MGAT5: variants seen among roughly 807,000 people sequenced by gnomAD.
MGAT5 encodes the protein alpha-1,6-mannosylglycoprotein 6-beta-N-acetylglucosaminyltransferase A.
MGAT5 carries 30 observed loss-of-function variants against 94.3 expected under a neutral mutation model. The ratio of observed to expected loss-of-function variants is 0.32; its 90% confidence interval spans 0.24 to 0.43. The LOEUF (loss-of-function observed/expected upper bound fraction) is 0.43, where lower values mean the gene tolerates loss of function less well. MGAT5 is among the 20% of genes least tolerant of loss of function. The pLI is 1.00. For missense variants in MGAT5, 691 were observed against 905.5 expected, an observed-to-expected ratio of 0.76 and a Z score of 3.04; for synonymous variants, 310 against 322.9, an observed-to-expected ratio of 0.96 and a Z score of 0.43.
chr2:134,128,256 AAAAG>A (rs966718521), intron 1 of MGAT5, among the ~76,000 whole-genome samples: 1 of 151,902 alleles, frequency 6.6e-6, no homozygotes, highest in Admixed American at 6.6e-5. Context: ...AAAGAAAAGA[AAAAG>A]AAAAGAAAGA....
chr2:134,355,138 T>C (rs1350838588), intron 9 of MGAT5, among the ~76,000 whole-genome samples: 2 of 152,210 alleles, frequency 1.3e-5, no homozygotes, highest in Non-Finnish European at 2.9e-5. Flanking sequence ...TTTAAAACTC[T>C]ATGTAAGTGA....
intron 1 of MGAT5, among the ~76,000 whole-genome samples, chr2:134,204,006 A>G (rs1271597825): frequency 6.6e-6 from 1 of 152,262 alleles, no homozygotes; most frequent in African/African-American, 2.4e-5. Context: ...ATACATGGGC[A>G]AAGAGAAAGC....
At chr2:134,406,623 C>CTGTA (rs1261948740) in intron 11 of MGAT5, among the ~76,000 whole-genome samples, 1 of 151,990 alleles carries the variant, frequency 6.6e-6, no homozygotes, top group Non-Finnish European at 1.5e-5. Context: ...TAGCTCACAT[C>CTGTA]TGTAATCTTA....
At chr2:134,152,728 C>T (rs990592485) in intron 1 of MGAT5, among the ~76,000 whole-genome samples, 2 of 152,128 alleles carry the variant, frequency 1.3e-5, no homozygotes, top group African/African-American at 4.8e-5. Flanking sequence ...CTGAGTTTAT[C>T]TTCTTAGTTT....
chr2:134,202,239 A>G (rs865838896), intron 1 of MGAT5, among the ~76,000 whole-genome samples: 21 of 152,314 alleles, frequency 1.4e-4, no homozygotes, highest in Non-Finnish European at 2.2e-4. Flanking sequence ...TTGAAATCTA[A>G]TCCCCAACCT....
At chr2:134,185,815 G>C (rs1425680511) in intron 1 of MGAT5, among the ~76,000 whole-genome samples, 1 of 152,226 alleles carries the variant, frequency 6.6e-6, no homozygotes, top group African/African-American at 2.4e-5. Flanking sequence ...TTGTAGGGAA[G>C]AGGAGAGATG....
chr2:134,431,361 A>T (rs1025066001), intron 14 of MGAT5, among the ~76,000 whole-genome samples: 1 of 152,162 alleles, frequency 6.6e-6, no homozygotes, highest in Non-Finnish European at 1.5e-5. Flanking sequence ...ATGTTCCTAA[A>T]TGAGCAATAA....
chr2:134,390,375 A>G (rs902404919), intron 10 of MGAT5, among the ~76,000 whole-genome samples: 1 of 152,068 alleles, frequency 6.6e-6, no homozygotes, highest in African/African-American at 2.4e-5. Flanking sequence ...TTTTTATTAT[A>G]CTTTTTCTAG....
chr2:134,144,037 G>A (rs544143789), intron 1 of MGAT5, among the ~76,000 whole-genome samples: 1 of 152,222 alleles, frequency 6.6e-6, no homozygotes, highest in South Asian at 2.1e-4. Context: ...GGAAGAGCAG[G>A]CCATCAGCCT....
At position 134,433,833 on chromosome 2, in the gene MGAT5, C is replaced by CTT. The variant is rs11307289; in HGVS notation, c.1869+5409_1869+5410dup. ...TTCATGGTCCTACCTGTCCTACCAA[C>CTT]TTTTTTTTTTTTTTTTGCCAATTTC... On this transcript the variant is annotated intron_variant, in intron 14 of 15. Transcript: ENST00000281923. Among the ~76,000 whole-genome samples the CTT allele has an allele frequency of 1.2e-4, 16 of 137,650 alleles. 2 individuals are homozygous for CTT. Among genetic ancestry groups the CTT allele is most frequent in the African/African-American group, 4.4e-4 (16 of 36,758 alleles). The allele number at this position is 137,650 out of a possible 152,430, so 90.3% of individuals were successfully genotyped here. A position where few individuals can be genotyped will look rare whatever the true frequency, so the allele number is the denominator to read the frequency against.
intron 4 of MGAT5, among the ~76,000 whole-genome samples, chr2:134,322,821 T>C (rs553150988): frequency 6.6e-6 from 1 of 152,260 alleles, no homozygotes; most frequent in Admixed American, 6.5e-5. Context: ...GGGGAGATGA[T>C]TGAGAGAGAC....
At chr2:134,250,314 A>G (rs1265833874), upstream of MGAT5, among the ~76,000 whole-genome samples, 4 of 152,200 alleles carry the variant, frequency 2.6e-5, no homozygotes, top group South Asian at 4.1e-4. Context: ...GATCCACTGT[A>G]TAGTCCCACT....
chr2:134,450,827 TGTGTATGA>T lies in MGAT5; in HGVS notation c.*1982_*1989del, dbSNP rs938470408. On this transcript the variant is annotated 3_prime_UTR_variant, in exon 16 of 16. Transcript: ENST00000281923. ...GTGTGTGTGTGTGTGTGTGTGTGTG[TGTGTATGA>T]GCCTGTGCATTTCTTTTAAGCAAGG... 4.3e-5 allele frequency: 6 copies of T among 138,828 alleles called. No homozygotes were observed. The highest frequency in any genetic ancestry group is 3.6e-3 in the Middle Eastern group (1 of 276). 8.6% of individuals were successfully genotyped at this position (138,828 alleles called of 1,614,324 possible).
intron 15 of MGAT5, among the ~76,000 whole-genome samples, chr2:134,443,488 G>A (rs954392345): frequency 9.9e-5 from 15 of 152,186 alleles, no homozygotes; most frequent in African/African-American, 1.4e-4. Context: ...CATCGTGCCC[G>A]GCCCTGGTGA....
chr2:134,276,963 G>C lies in MGAT5; in HGVS notation c.406+6413G>C, dbSNP rs79492386. 1.0e-3 allele frequency among the ~76,000 whole-genome samples: 158 copies of C among 152,302 alleles called. 4 individuals are homozygous for C. The East Asian group carries it at 0.028, about 27-fold the overall frequency. ...TTCCAAGGGTGTAGCTTGAAGGATA[G>C]CTGGGTGACTCATTATTGAGGAAAC... On this transcript the variant is annotated intron_variant, in intron 2 of 15. Coordinates refer to ENST00000281923, the MANE Select transcript of MGAT5 (RefSeq NM_002410.5).
chr2:134,237,592 AG>A (rs1681713261), intron 1 of MGAT5, among the ~76,000 whole-genome samples: 1 of 151,828 alleles, frequency 6.6e-6, no homozygotes, highest in African/African-American at 2.4e-5. Flanking sequence ...TATCACTCAA[AG>A]GAACTCAACT....
intron 1 of MGAT5, among the ~76,000 whole-genome samples, chr2:134,145,632 G>A (rs1255553296): frequency 6.6e-6 from 1 of 152,220 alleles, no homozygotes; most frequent in African/African-American, 2.4e-5. Context: ...TGAGGGGCAG[G>A]AAAAAGAGTG....
intron 1 of MGAT5, among the ~76,000 whole-genome samples, chr2:134,137,836 A>G (rs1208165270): frequency 6.6e-6 from 1 of 150,970 alleles, no homozygotes; most frequent in East Asian, 1.9e-4. Flanking sequence ...AAGATAATGT[A>G]TTTGTATTTA....
chr2:134,310,330 T>G lies in MGAT5; in HGVS notation c.407-7199T>G, dbSNP rs540664115. Among the ~76,000 whole-genome samples the G allele has an allele frequency of 3.5e-4, 54 of 152,310 alleles. No individual in the cohort carries two copies. In the South Asian group the frequency reaches 0.011, roughly 32 times the overall value. The stretch of plus-strand genomic sequence containing the variant: ...GCCTCGTTGAACATGCAGAGTGCTT[T>G]GCATATGGAAGGTGCTAGTGGATTT... On this transcript the variant is annotated intron_variant, in intron 2 of 15. Transcript: ENST00000281923.
Sources: allele counts gnomAD v4.1 joint callset (sites outside exome capture counted in the v4.1 genomes callset), GRCh38; gene constraint gnomAD v4.1.1; transcripts MANE v1.5; gene names NCBI Gene and HGNC (gene_info 2026-07-23, HGNC 2026-07-21).